THRB: variants seen among roughly 807,000 people sequenced by gnomAD.
The protein encoded by THRB is thyroid hormone receptor beta.
Under a neutral mutation model 47.8 loss-of-function variants are expected in THRB, and 12 were observed. The ratio of observed to expected loss-of-function variants is 0.25; its 90% CI spans 0.16 to 0.41. The LOEUF is 0.41. Among genes scored for constraint, THRB ranks in the 10% least tolerant of loss-of-function variants. THRB has a pLI of 1.00. For synonymous variants in THRB, 218 were observed against 212.2 expected, an observed-to-expected ratio of 1.03 and a Z score of -0.24; for missense variants, 348 against 589.2, an observed-to-expected ratio of 0.59 and a Z score of 4.24.
At chr3:24,146,395 G>A (rs759732506) in intron 7 of THRB, among the ~76,000 whole-genome samples, 4 of 152,212 alleles carry the variant, frequency 2.6e-5, no homozygotes, top group African/African-American at 7.2e-5. Context: ...GCCTGCAAAT[G>A]TGATAGGGAT....
intron 1 of THRB, among the ~76,000 whole-genome samples, chr3:24,368,430 C>T (rs1267065451): frequency 6.6e-6 from 1 of 152,090 alleles, no homozygotes; most frequent in Non-Finnish European, 1.5e-5. Context: ...AGACATTAGT[C>T]TACCACTAAT....
At chr3:24,286,068 G>A (rs1446260822) in intron 3 of THRB, among the ~76,000 whole-genome samples, 4 of 152,310 alleles carry the variant, frequency 2.6e-5, no homozygotes, top group African/African-American at 7.2e-5. Flanking sequence ...GAAAGACCAT[G>A]TGAAGGCATA....
intron 1 of THRB, among the ~76,000 whole-genome samples, chr3:24,445,107 T>C (rs1484489694): frequency 6.6e-6 from 1 of 151,930 alleles, no homozygotes; most frequent in African/African-American, 2.4e-5. Flanking sequence ...GATACAGAAA[T>C]GTATATACCA....
At chr3:24,329,841 A>C (rs569290084) in intron 2 of THRB, among the ~76,000 whole-genome samples, 2 of 152,252 alleles carry the variant, frequency 1.3e-5, no homozygotes, top group African/African-American at 2.4e-5. Context: ...AGCAACATGC[A>C]TCACTGGGGA....
chr3:24,389,035 G>T (rs2066349790), intron 1 of THRB, among the ~76,000 whole-genome samples: 1 of 152,100 alleles, frequency 6.6e-6, no homozygotes, highest in Admixed American at 6.6e-5. Context: ...CTATTCTTCT[G>T]CAATATTCTG....
chr3:24,235,110 A>G (rs2048726294), intron 3 of THRB, among the ~76,000 whole-genome samples: 3 of 152,190 alleles, frequency 2.0e-5, no homozygotes, highest in African/African-American at 4.8e-5. Context: ...TGCAAAAGCA[A>G]TTGCAGTTTT....
intron 2 of THRB, among the ~76,000 whole-genome samples, chr3:24,317,975 C>A (rs757008732): frequency 1.3e-5 from 2 of 152,118 alleles, no homozygotes; most frequent in Non-Finnish European, 2.9e-5. Flanking sequence ...GGAGGATCAC[C>A]TGACCCTCAG....
chr3:24,120,103 A>C lies in THRB; in HGVS notation c.*2781T>G, dbSNP rs2031400124. ...AAAATCTAGAGCAAATCCCTCACAA[A>C]TGAGTTTTATGAGATGGAGTCTTGA... On this transcript the variant is annotated 3_prime_UTR_variant, in exon 11 of 11. Transcript: ENST00000646209. The C allele has an allele frequency of 6.6e-6, 1 of 152,190 alleles. No homozygotes were observed. The highest frequency in any genetic ancestry group is 2.1e-4 in the South Asian group (1 of 4,828). 9.4% of individuals were successfully genotyped at this position (152,190 alleles called of 1,614,324 possible). A position where few individuals can be genotyped will look rare whatever the true frequency, so the allele number is the denominator to read the frequency against.
intron 4 of THRB, among the ~76,000 whole-genome samples, chr3:24,204,059 T>A (rs1391227801): frequency 1.3e-5 from 2 of 152,230 alleles, no homozygotes; most frequent in East Asian, 3.9e-4. Context: ...CCTGCCTGCC[T>A]CTGTAGACTC....
chr3:24,265,325 G>C lies in THRB; in HGVS notation c.-43+31901C>G, dbSNP rs138002963. Among the ~76,000 whole-genome samples the C allele has an allele frequency of 6.2e-4, 95 of 152,248 alleles. 1 individual carries two copies. Among genetic ancestry groups the C allele is most frequent in the African/African-American group, 2.2e-3 (93 of 41,538 alleles). On this transcript the variant is annotated intron_variant, in intron 3 of 10. Transcript: ENST00000646209. ...TGAACTCTGAAGAAAAAGCCAAAGG[G>C]CACTGATCAAGACATTAAAAGTGGT...
intron 1 of THRB, among the ~76,000 whole-genome samples, chr3:24,358,944 T>C (rs967631230): frequency 1.3e-5 from 2 of 152,166 alleles, no homozygotes; most frequent in African/African-American, 4.8e-5. Flanking sequence ...TTCCTTGATA[T>C]ACACAAATAA....
At chr3:24,364,424 G>A (rs1465610380) in intron 1 of THRB, among the ~76,000 whole-genome samples, 2 of 152,120 alleles carry the variant, frequency 1.3e-5, no homozygotes. Context: ...AGTAATAATA[G>A]CTAATAGTAA....
intron 2 of THRB, among the ~76,000 whole-genome samples, chr3:24,305,555 T>C (rs1187743354): frequency 6.6e-6 from 1 of 152,200 alleles, no homozygotes; most frequent in Non-Finnish European, 1.5e-5. Flanking sequence ...AATTTAGACA[T>C]GGCCATTTGC....
At chr3:24,225,358 C>T (rs2047550773) in intron 4 of THRB, among the ~76,000 whole-genome samples, 1 of 152,134 alleles carries the variant, frequency 6.6e-6, no homozygotes. Context: ...TACCTTCCCA[C>T]AGTAGGGAAG....
At chr3:24,247,257 A>G (rs1170085295) in intron 3 of THRB, among the ~76,000 whole-genome samples, 1 of 152,262 alleles carries the variant, frequency 6.6e-6, no homozygotes, top group Non-Finnish European at 1.5e-5. Flanking sequence ...TTTCCTAAAA[A>G]GTAAGAATAG....
chr3:24,403,032 G>T (rs2067540331), intron 1 of THRB, among the ~76,000 whole-genome samples: 1 of 151,890 alleles, frequency 6.6e-6, no homozygotes, highest in South Asian at 2.1e-4. Flanking sequence ...TCATATATTT[G>T]TCACACAGCA....
At chr3:24,173,186 C>T (rs947810803) in intron 5 of THRB, among the ~76,000 whole-genome samples, 1 of 152,100 alleles carries the variant, frequency 6.6e-6, no homozygotes, top group African/African-American at 2.4e-5. Flanking sequence ...TGATACTAGC[C>T]GAAGTTTGAG....
At chr3:24,240,042 G>A (rs1319486662) in intron 3 of THRB, among the ~76,000 whole-genome samples, 1 of 152,174 alleles carries the variant, frequency 6.6e-6, no homozygotes, top group Admixed American at 6.5e-5. Context: ...TTTCTGTGGG[G>A]TTGCTGTGGT....
chr3:24,292,301 G>A (rs1238646972), intron 3 of THRB, among the ~76,000 whole-genome samples: 1 of 152,104 alleles, frequency 6.6e-6, no homozygotes, highest in Non-Finnish European at 1.5e-5. Context: ...ACTGCTCAAT[G>A]TTATTACTAT....
Sources: allele counts gnomAD v4.1 joint callset (sites outside exome capture counted in the v4.1 genomes callset), GRCh38; gene constraint gnomAD v4.1.1; transcripts MANE v1.5; gene names NCBI Gene and HGNC (gene_info 2026-07-23, HGNC 2026-07-21).